LRMDA: variants seen among roughly 807,000 people sequenced by gnomAD.
The protein encoded by LRMDA is leucine rich melanocyte differentiation associated, also known as leucine-rich melanocyte differentiation-associated protein.
Under a neutral mutation model 29.8 loss-of-function variants are expected in LRMDA, and 18 were observed. That is an observed-to-expected ratio of 0.60 (90% CI 0.42 to 0.90). The LOEUF (loss-of-function observed/expected upper bound fraction) is 0.90, where lower values mean the gene tolerates loss of function less well. LRMDA is among the 40% of genes least tolerant of loss of function. The probability of loss-of-function intolerance (pLI) is 0.00; values close to 1 mark genes in which losing one functional copy is unlikely to be tolerated. For missense variants in LRMDA, 273 were observed against 273.9 expected (o/e 1.00, Z 0.02); for synonymous variants, 125 against 109.4 (o/e 1.14, Z -0.89).
At chr10:76,250,163 G>C (rs1300651707) in intron 5 of LRMDA, among the ~76,000 whole-genome samples, 2 of 152,192 alleles carry the variant, frequency 1.3e-5, no homozygotes, top group Admixed American at 1.3e-4. Flanking sequence ...TCTCATTGCT[G>C]AGTTATCATT....
chr10:76,112,402 CG>C (rs1325804845), intron 5 of LRMDA, among the ~76,000 whole-genome samples: 1 of 152,226 alleles, frequency 6.6e-6, no homozygotes, highest in Non-Finnish European at 1.5e-5. Flanking sequence ...GTGGAGCCGG[CG>C]CCGGCCCTCG....
intron 2 of LRMDA, among the ~76,000 whole-genome samples, chr10:75,462,310 T>C (rs1844595803): frequency 6.6e-6 from 1 of 152,256 alleles, no homozygotes; most frequent in Non-Finnish European, 1.5e-5. Flanking sequence ...GGAAGAAATC[T>C]GTTAATTGAC....
At chr10:76,459,660 G>A (rs1038167069) in intron 6 of LRMDA, among the ~76,000 whole-genome samples, 25 of 152,184 alleles carry the variant, frequency 1.6e-4, no homozygotes, top group African/African-American at 6.0e-4. Flanking sequence ...CCAATGTCAA[G>A]CACTATAGGA....
chr10:76,262,994 A>T (rs987870200), intron 5 of LRMDA, among the ~76,000 whole-genome samples: 1 of 152,256 alleles, frequency 6.6e-6, no homozygotes, highest in Non-Finnish European at 1.5e-5. Flanking sequence ...AAATAGAATC[A>T]TTTTCATAGA....
At chr10:76,204,529 A>G (rs1851499534) in intron 5 of LRMDA, among the ~76,000 whole-genome samples, 1 of 152,240 alleles carries the variant, frequency 6.6e-6, no homozygotes. Flanking sequence ...AACAAGACAC[A>G]GTTTTTAAAT....
intron 5 of LRMDA, among the ~76,000 whole-genome samples, chr10:76,288,517 A>G (rs1840300723): frequency 6.6e-6 from 1 of 152,154 alleles, no homozygotes; most frequent in Non-Finnish European, 1.5e-5. Flanking sequence ...AAAAGCAAAA[A>G]TTGACAAATG....
chr10:75,770,783 G>C (rs561071047), intron 2 of LRMDA, among the ~76,000 whole-genome samples: 1 of 152,292 alleles, frequency 6.6e-6, no homozygotes, highest in African/African-American at 2.4e-5. Context: ...CCTTGCTCGG[G>C]TCTCATGCCA....
intron 2 of LRMDA, among the ~76,000 whole-genome samples, chr10:75,607,637 T>C (rs1840972172): frequency 6.6e-6 from 1 of 152,140 alleles, no homozygotes; most frequent in Non-Finnish European, 1.5e-5. Flanking sequence ...GATGAGCATC[T>C]TTTTCTTTTT....
intron 2 of LRMDA, among the ~76,000 whole-genome samples, chr10:75,484,115 C>T (rs1844883483): frequency 6.6e-6 from 1 of 152,008 alleles, no homozygotes; most frequent in South Asian, 2.1e-4. Context: ...GCCACCACAC[C>T]TGGCTAATTT....
In LRMDA at chr10:75,595,938, A is replaced by G. The variant is rs150178789; in HGVS notation, c.131+157444A>G. ...CTGGAAGCTTATATTCTATGAGAAAAAAGTAATTATATCTGGAATCTTGGA... is the reference window on the plus strand; with the variant it reads ...CTGGAAGCTTATATTCTATGAGAAAGAAGTAATTATATCTGGAATCTTGGA... On this transcript the variant is annotated intron_variant, in intron 2 of 6. Coordinates refer to ENST00000611255, the MANE Select transcript of LRMDA (RefSeq NM_001305581.2). Among the ~76,000 whole-genome samples the G allele has an allele frequency of 8.8e-3, 1,334 of 152,268 alleles. 46 individuals are homozygous for G. Among genetic ancestry groups the G allele is most frequent in the Non-Finnish European group, 4.9e-3 (330 of 68,014 alleles).
chr10:75,571,117 G>A (rs1431882317), intron 2 of LRMDA, among the ~76,000 whole-genome samples: 1 of 151,946 alleles, frequency 6.6e-6, no homozygotes, highest in Non-Finnish European at 1.5e-5. Context: ...CATGGGAGGT[G>A]TTCAGATCTG....
chr10:76,432,393 T>C (rs1842200168), intron 6 of LRMDA, among the ~76,000 whole-genome samples: 1 of 152,128 alleles, frequency 6.6e-6, no homozygotes, highest in Non-Finnish European at 1.5e-5. Context: ...AATTTCTCTG[T>C]CTCCCATGCC....
At chr10:75,566,109 C>T (rs1365347156) in intron 2 of LRMDA, among the ~76,000 whole-genome samples, 1 of 152,188 alleles carries the variant, frequency 6.6e-6, no homozygotes, top group East Asian at 1.9e-4. Flanking sequence ...CCCCTTAACA[C>T]ACTTATCAAA....
chr10:75,660,534 C>T (rs528890205), intron 2 of LRMDA, among the ~76,000 whole-genome samples: 46 of 152,238 alleles, frequency 3.0e-4, no homozygotes, highest in Admixed American at 6.5e-4. Flanking sequence ...CCGCAGTGAA[C>T]CACCTTGTCA....
chr10:75,742,605 C>T (rs1397399034), intron 2 of LRMDA: 3 of 152,264 alleles, frequency 2.0e-5, no homozygotes, highest in Non-Finnish European at 2.9e-5. Flanking sequence ...ACAGAAGCCT[C>T]TGGAAGGACT....
rs752017304 is a variant in LRMDA at position 76,557,328 on chromosome 10, A to G, written c.*40A>G. The G allele has an allele frequency of 6.7e-7, 1 of 1,484,206 alleles. No homozygotes were observed. The highest frequency in any genetic ancestry group is 1.2e-5 in the South Asian group (1 of 86,284). The allele number at this position is 1,484,206 out of a possible 1,614,324, so 91.9% of individuals were successfully genotyped here. ...TACCTTCACCCATTTCATGAAAATA[A>G]AATCAAAAGGGAAATCAAAAATAAA... On this transcript the variant is annotated 3_prime_UTR_variant, in exon 7 of 7. Transcript: ENST00000611255.
Position 75,781,661 on chromosome 10 carries a change from C to T in LRMDA, c.132-254347C>T, listed in dbSNP as rs570757748. On this transcript the variant is annotated intron_variant, in intron 2 of 6. Coordinates refer to ENST00000611255, the MANE Select transcript of LRMDA (RefSeq NM_001305581.2). ...TTGCTGATACCCCTCATGGATGATT[C>T]GATTCACATGCAAACTAGTGAGCAA... Among the ~76,000 whole-genome samples the T allele has an allele frequency of 2.6e-5, 4 of 152,116 alleles. No homozygotes were observed. The East Asian group carries it at 5.8e-4, about 22-fold the overall frequency.
chr10:76,029,924 C>T (rs1400086760), intron 2 of LRMDA, among the ~76,000 whole-genome samples: 1 of 152,158 alleles, frequency 6.6e-6, no homozygotes, highest in Non-Finnish European at 1.5e-5. Context: ...GCAATGAGGT[C>T]TCGCTCTGTT....
intron 2 of LRMDA, among the ~76,000 whole-genome samples, chr10:75,548,725 C>T (rs559234243): frequency 6.6e-6 from 1 of 152,148 alleles, no homozygotes; most frequent in South Asian, 2.1e-4. Context: ...TTTCTTATCT[C>T]TTTGATCTCT....
Sources: allele counts gnomAD v4.1 joint callset (sites outside exome capture counted in the v4.1 genomes callset), GRCh38; gene constraint gnomAD v4.1.1; transcripts MANE v1.5; gene names NCBI Gene and HGNC (gene_info 2026-07-23, HGNC 2026-07-21).